The following TASOR2 variants were observed in gnomAD, a reference collection of about 807,000 sequenced individuals.
TASOR2 encodes the protein protein TASOR 2.
In TASOR2, 84 loss-of-function variants were observed where a neutral mutation model predicts 199.5. The ratio of observed to expected loss-of-function variants is 0.42; its 90% CI spans 0.35 to 0.50. The LOEUF (loss-of-function observed/expected upper bound fraction) is 0.50, where lower values mean the gene tolerates loss of function less well. Ranked by LOEUF, TASOR2 falls within the 20% of genes least tolerant of loss-of-function variation. The pLI is 0.02. For synonymous variants in TASOR2, 1,103 were observed against 1,046.6 expected (o/e 1.05, Z -1.04); for missense variants, 2,796 against 2,835.9 (o/e 0.99, Z 0.32).
In TASOR2 at chr10:5,737,659, ATAATT is replaced by A. The variant is rs369373406; in HGVS notation, c.1448-1953_1448-1949del. ...TCTTTGGGATATTTGAGAACATTCT[ATAATT>A]TAATTCATACTGTTTTCAATTCATC... On this transcript the variant is annotated intron_variant, in intron 12 of 20. Transcript: ENST00000328090. The surrounding 1 kb of genome is among the most constrained non-coding windows in gnomAD (Gnocchi z 4.9). 4.6e-5 allele frequency among the ~76,000 whole-genome samples: 7 copies of A among 152,290 alleles called. No individual in the cohort carries two copies. The highest frequency in any genetic ancestry group is 1.4e-4 in the African/African-American group (6 of 41,566).
At position 5,724,433 on chromosome 10, in the gene TASOR2, GT is replaced by G; in HGVS notation, c.255del (p.Gln86LysfsTer10). On this transcript the variant is annotated frameshift_variant, in exon 8 of 21. Coordinates refer to ENST00000328090, the Ensembl canonical transcript of TASOR2. LOFTEE classifies it high-confidence loss of function. ...GTTTTTCTGGTTTTCTCTACAGTCT[GT>G]TTTCAAGATTTGTGCTTCAATTTGT... is the stretch of plus-strand genomic sequence containing the variant. The G allele has an allele frequency of 6.6e-7, 1 of 1,515,118 alleles. No homozygotes were observed. Among genetic ancestry groups the G allele is most frequent in the Non-Finnish European group, 8.9e-7 (1 of 1,127,420 alleles). 93.9% of individuals were successfully genotyped at this position (1,515,118 alleles called of 1,614,324 possible).
chr10:5,747,078 T>C, exon 15 of TASOR2: 1 of 1,614,148 alleles, frequency 6.2e-7, no homozygotes, highest in South Asian at 1.1e-5. Context: ...GAAGGCAGTG[T>C]TCACTTAACT....
chr10:5,717,049 G>A lies in TASOR2; in HGVS notation c.-191-610G>A, dbSNP rs567142191. Among the ~76,000 whole-genome samples the A allele has an allele frequency of 7.2e-5, 10 of 138,886 alleles. No individual in the cohort carries two copies. In the East Asian group the frequency reaches 1.3e-3, roughly 18 times the overall value. The allele number at this position is 138,886 out of a possible 152,430, so 91.1% of individuals were successfully genotyped here. A position where few individuals can be genotyped will look rare whatever the true frequency, so the allele number is the denominator to read the frequency against. On this transcript the variant is annotated intron_variant, in intron 2 of 20. Coordinates refer to ENST00000328090, the Ensembl canonical transcript of TASOR2. Reference sequence around the variant, plus strand: ...TCTCAAAAAAAAAAAAAAAAAAGACGTTTTCCTACATTGCTACAATCTTAC... The same window carrying A: ...TCTCAAAAAAAAAAAAAAAAAAGACATTTTCCTACATTGCTACAATCTTAC...
At chr10:5,696,343 A>G (rs1837153564) in intron 1 of TASOR2, among the ~76,000 whole-genome samples, 1 of 152,178 alleles carries the variant, frequency 6.6e-6, no homozygotes, top group African/African-American at 2.4e-5. Flanking sequence ...TTCACGTACC[A>G]CAGCTTCTAG....
Position 5,685,029 on chromosome 10 carries a change from G to T in TASOR2, c.-434G>T, listed in dbSNP as rs1270904438. On this transcript the variant is annotated 5_prime_UTR_variant, in exon 1 of 21. Transcript: ENST00000328090. The surrounding 1 kb of genome is among the most constrained non-coding windows in gnomAD (Gnocchi z 5.4). ...GCGTGCCCCTGAGGGGGGTCCCCGC[G>T]GGAGCGCGGAGCCGGCGACTGGTGC... 2.5e-6 allele frequency: 1 copy of T among 397,692 alleles called. No individual in the cohort carries two copies. The highest frequency in any genetic ancestry group is 4.4e-6 in the Non-Finnish European group (1 of 225,478). 24.6% of individuals were successfully genotyped at this position (397,692 alleles called of 1,614,324 possible).
At chr10:5,724,586 ATATT>A (rs1833788116) in intron 8 of TASOR2, 53 bp downstream of exon 9, 4 of 523,752 alleles carry the variant, frequency 7.6e-6, no homozygotes, top group Non-Finnish European at 1.1e-5. Context: ...TAATTGATAT[ATATT>A]AGTTGTGCCT....
At chr10:5,723,043 CTTTTTTTTTT>C (rs1183983010) in intron 6 of TASOR2, among the ~76,000 whole-genome samples, 2 of 72,896 alleles carry the variant, frequency 2.7e-5, no homozygotes, top group Non-Finnish European at 4.8e-5. Context: ...CAGGAAATAA[CTTTTTTTTTT>C]TTTTTTTTTT....
chr10:5,704,859 G>C (rs1304872322), intron 1 of TASOR2, among the ~76,000 whole-genome samples: 1 of 152,110 alleles, frequency 6.6e-6, no homozygotes, highest in East Asian at 1.9e-4. Context: ...TGAGGCTTTT[G>C]AGATTAACTT....
chr10:5,762,595 A>C, exon 20 of TASOR2: 1 of 1,500,564 alleles, frequency 6.7e-7, no homozygotes, highest in Non-Finnish European at 9.1e-7. Context: ...GATGTAAATA[A>C]CTTTATAGAA....
At chr10:5,691,718 G>A (rs1481632454) in intron 1 of TASOR2, among the ~76,000 whole-genome samples, 1 of 152,132 alleles carries the variant, frequency 6.6e-6, no homozygotes, top group Non-Finnish European at 1.5e-5. Context: ...AACATAATGA[G>A]TAAAGATGTC....
At chr10:5,712,864 T>C in exon 2 of TASOR2, 1 of 1,231,426 alleles carries the variant, frequency 8.1e-7, no homozygotes, top group Non-Finnish European at 1.0e-6. Context: ...GTAGTTATAC[T>C]CAGGAAGAAC....
At chr10:5,731,089 G>T in exon 11 of TASOR2, 1 of 1,613,886 alleles carries the variant, frequency 6.2e-7, no homozygotes, top group Non-Finnish European at 8.5e-7. Flanking sequence ...GAGTAAAAAG[G>T]TGAACTTGTG....
chr10:5,686,300 A>G (rs905293395), intron 1 of TASOR2, among the ~76,000 whole-genome samples: 9 of 152,234 alleles, frequency 5.9e-5, no homozygotes, highest in African/African-American at 2.2e-4. Flanking sequence ...TGGTCCAAAC[A>G]TAGTTGTTAA....
At chr10:5,688,472 TAGC>T (rs1016246944) in intron 1 of TASOR2, among the ~76,000 whole-genome samples, 4 of 144,424 alleles carry the variant, frequency 2.8e-5, no homozygotes, top group African/African-American at 7.8e-5. Flanking sequence ...TGCTGGCCTC[TAGC>T]AGTCCCCCTG....
exon 15 of TASOR2, chr10:5,749,648 A>G: frequency 6.2e-7 from 1 of 1,614,186 alleles, no homozygotes; most frequent in Non-Finnish European, 8.5e-7. Flanking sequence ...TGTAGTCATA[A>G]TAGAGATCTT....
intron 1 of TASOR2, among the ~76,000 whole-genome samples, chr10:5,695,383 T>C (rs1296670853): frequency 1.3e-5 from 2 of 152,234 alleles, no homozygotes; most frequent in African/African-American, 2.4e-5. Context: ...TTTTTATGCA[T>C]TTGAGTAAAT....
chr10:5,696,303 G>A (rs913594115), intron 1 of TASOR2, among the ~76,000 whole-genome samples: 1 of 152,186 alleles, frequency 6.6e-6, no homozygotes, highest in Non-Finnish European at 1.5e-5. Context: ...AGATCACCTG[G>A]AGAGTACAGC....
At chr10:5,745,768 G>A (rs1471359612) in intron 14 of TASOR2, among the ~76,000 whole-genome samples, 1 of 151,700 alleles carries the variant, frequency 6.6e-6, no homozygotes, top group East Asian at 1.9e-4. Flanking sequence ...GATAAAGCAA[G>A]ACGCTGTCTT....
At chr10:5,715,956 T>C (rs1290293421) in intron 2 of TASOR2, among the ~76,000 whole-genome samples, 1 of 152,134 alleles carries the variant, frequency 6.6e-6, no homozygotes, top group African/African-American at 2.4e-5. Context: ...TTTTTACTCA[T>C]GTGAACATCA....
Sources: allele counts gnomAD v4.1 joint callset (sites outside exome capture counted in the v4.1 genomes callset), GRCh38; gene constraint gnomAD v4.1.1; non-coding constraint Gnocchi (gnomAD v3.1); transcripts MANE v1.5; gene names NCBI Gene and HGNC (gene_info 2026-07-23, HGNC 2026-07-21).